The following MCM4 variants were observed in gnomAD, a reference collection of about 807,000 sequenced individuals.
The protein encoded by MCM4 is minichromosome maintenance complex component 4.
In MCM4, 60 loss-of-function variants were observed where a neutral mutation model predicts 88.7. The observed-to-expected ratio is 0.68, with a 90% CI of 0.55 to 0.84. The LOEUF (loss-of-function observed/expected upper bound fraction) is 0.84, where lower values mean the gene tolerates loss of function less well. MCM4 is among the 40% of genes least tolerant of loss of function. The probability of loss-of-function intolerance (pLI) is 0.00; values close to 1 mark genes in which losing one functional copy is unlikely to be tolerated. For missense variants in MCM4, 1,149 were observed against 1,105.5 expected, an observed-to-expected ratio of 1.04 and a Z score of -0.56; for synonymous variants, 465 against 410.5, an observed-to-expected ratio of 1.13 and a Z score of -1.61.
intron 15 of MCM4, 191 bp downstream of exon 15, chr8:47,975,153 A>T (rs1016812687): frequency 3.8e-6 from 2 of 522,984 alleles, no homozygotes; most frequent in Non-Finnish European, 3.4e-6. Context: ...ATTGATTAAC[A>T]CACACAGTTT....
chr8:47,965,836 CA>C (rs2090893408), intron 8 of MCM4, among the ~76,000 whole-genome samples: 1 of 152,144 alleles, frequency 6.6e-6, no homozygotes, highest in Non-Finnish European at 1.5e-5. Flanking sequence ...ATAGGGGACA[CA>C]AAATGTACAC....
In MCM4 at chr8:47,964,761, A is replaced by G. The variant is rs577078382; in HGVS notation, c.832+49A>G. The G allele has an allele frequency of 8.2e-6, 12 of 1,456,178 alleles. No individual in the cohort carries two copies. In the South Asian group the frequency reaches 9.4e-5, roughly 11 times the overall value. The allele number at this position is 1,456,178 out of a possible 1,614,324, so 90.2% of individuals were successfully genotyped here. A position where few individuals can be genotyped will look rare whatever the true frequency, so the allele number is the denominator to read the frequency against. On this transcript the variant is annotated intron_variant, in intron 8 of 16. Transcript: ENST00000649973. Reference sequence around the variant, plus strand: ...CTTTTGTTGAAGGAAAATGCCTTACATGAAAATAGCCTTGTTTTCATTGAG... The same window carrying G: ...CTTTTGTTGAAGGAAAATGCCTTACGTGAAAATAGCCTTGTTTTCATTGAG...
chr8:47,972,909 C>G lies in MCM4; in HGVS notation c.1981C>G (p.Arg661Gly). The G allele has an allele frequency of 1.9e-6, 3 of 1,614,176 alleles. No individual in the cohort carries two copies. Among genetic ancestry groups the G allele is most frequent in the Middle Eastern group, 3.3e-4 (2 of 6,062 alleles). The change falls in exon 14 of 17, where the codon CGT becomes GGT. Residue 661 changes from arginine (R) to glycine (G), a missense_variant. By Grantham distance (125) the Arg-to-Gly change is moderately radical (BLOSUM62 -2). Coordinates refer to ENST00000649973, the MANE Select transcript of MCM4 (RefSeq NM_182746.3). ...LDPQDEAYDR[R>G]LAHHLVALYY... ...CCCTCAGGACGAAGCCTATGACAGG[C>G]GTCTGGCTCACCACCTGGTCGCACT...
intron 10 of MCM4, 128 bp downstream of exon 10, chr8:47,967,613 CTG>C (rs1273953949): frequency 2.0e-5 from 25 of 1,222,908 alleles, no homozygotes; most frequent in Admixed American, 9.1e-5. Context: ...GTCTTTGAGA[CTG>C]TGGGGTATAT....
chr8:47,974,532 C>T (rs1296305724), intron 14 of MCM4: 7 of 568,988 alleles, frequency 1.2e-5, no homozygotes, highest in Non-Finnish European at 2.2e-5. Flanking sequence ...TCACCCACCA[C>T]TGCACGCTGC....
intron 7 of MCM4, 113 bp from the exon 8 acceptor site, chr8:47,964,461 A>G (rs1474072791): frequency 1.4e-6 from 1 of 720,498 alleles, no homozygotes; most frequent in Admixed American, 3.4e-5. Flanking sequence ...CTGTAGGGTA[A>G]TACTTTGGGG....
Position 47,970,847 on chromosome 8 carries a change from A to C in MCM4, c.1771A>C (p.Met591Leu). Reference sequence around the variant, plus strand: ...TACAAGATCGGTATTGCATGAAGTCATGGAACAGCAGACTCTGTCCATTGC... The same window carrying C: ...TACAAGATCGGTATTGCATGAAGTCCTGGAACAGCAGACTCTGTCCATTGC... ...ESTRSVLHEV[M>L]EQQTLSIAKA... The change falls in exon 12 of 17, where the codon ATG becomes CTG. Residue 591 changes from methionine (M) to leucine (L), a missense_variant. Coordinates refer to ENST00000649973, the MANE Select transcript of MCM4 (RefSeq NM_182746.3). 3.7e-6 allele frequency: 6 copies of C among 1,605,356 alleles called. No individual in the cohort carries two copies. Among genetic ancestry groups the C allele is most frequent in the Middle Eastern group, 3.3e-4 (2 of 6,046 alleles).
Position 47,974,877 on chromosome 8 carries a change from G to A in MCM4, c.2280G>A (p.Glu760=). Reference sequence around the variant, plus strand: ...AAGTTGAAGCCATTGATGTGGAAGAGGCCAAACGCCTCCATCGGGAAGCTC... The same window carrying A: ...AAGTTGAAGCCATTGATGTGGAAGAAGCCAAACGCCTCCATCGGGAAGCTC... ...SNKVEAIDVE[E]AKRLHREALK... is the part of the protein sequence containing the mutation. The change falls in exon 15 of 17, where the codon GAG becomes GAA. Residue 760 remains glutamate, a synonymous_variant. Coordinates refer to ENST00000649973, the MANE Select transcript of MCM4 (RefSeq NM_182746.3). 6.2e-7 allele frequency: 1 copy of A among 1,614,230 alleles called. No individual in the cohort carries two copies. Among genetic ancestry groups the A allele is most frequent in the Non-Finnish European group, 8.5e-7 (1 of 1,180,042 alleles).
intron 5 of MCM4, 147 bp downstream of exon 5, chr8:47,962,553 G>T (rs1310254023): frequency 6.0e-6 from 5 of 839,750 alleles, no homozygotes; most frequent in Non-Finnish European, 9.3e-6. Context: ...GGAGGCCAAG[G>T]TGGGAGGATC....
Position 47,970,832 on chromosome 8 carries a change from G to T in MCM4, c.1756G>T (p.Val586Leu), listed in dbSNP as rs753839100. The change falls in exon 12 of 17, where the codon GTA (valine) becomes TTA (leucine). Residue 586 changes from valine to leucine, a missense_variant. Around this residue, in one of 3 missense-constraint regions of MCM4, gnomAD observed 906 missense variants for 843.0 expected, o/e 1.07. Transcript: ENST00000649973. ...CAAGATGAATGAAAGTACAAGATCG[G>T]TATTGCATGAAGTCATGGAACAGCA... ...FDKMNESTRS[V>L]LHEVMEQQTL... 6.2e-7 allele frequency: 1 copy of T among 1,610,904 alleles called. No individual in the cohort carries two copies. Among genetic ancestry groups the T allele is most frequent in the Non-Finnish European group, 8.5e-7 (1 of 1,177,472 alleles).
intron 8 of MCM4, among the ~76,000 whole-genome samples, chr8:47,965,757 ACT>A (rs1394308552): frequency 6.6e-6 from 1 of 152,208 alleles, no homozygotes; most frequent in Admixed American, 6.5e-5. Context: ...AGGTGCTCTT[ACT>A]AGGCTTGAAG....
intron 3 of MCM4, 140 bp downstream of exon 3, chr8:47,961,820 A>G (rs1034448330): frequency 1.2e-5 from 14 of 1,193,558 alleles, no homozygotes; most frequent in Non-Finnish European, 1.6e-5. Flanking sequence ...TCTTAACCAG[A>G]GGAGCTGAAC....
chr8:47,975,201 T>G, intron 15 of MCM4: 1 of 408,726 alleles, frequency 2.4e-6, no homozygotes, highest in South Asian at 3.1e-5. Flanking sequence ...TTTTATACTT[T>G]AAGTTTTAGG....
In MCM4 at chr8:47,963,082, C is replaced by A. The variant is rs140141922; in HGVS notation, c.693+42C>A. 2.6e-5 allele frequency: 30 copies of A among 1,132,254 alleles called. No individual in the cohort carries two copies. In the African/African-American group the frequency reaches 3.4e-4, roughly 13 times the overall value. 70.1% of individuals were successfully genotyped at this position (1,132,254 alleles called of 1,614,324 possible). On this transcript the variant is annotated intron_variant, in intron 7 of 16. Transcript: ENST00000649973. ...GACCTTGATGAATTTTAGTAACAGT[C>A]TAGAAAGAATGTTTCCAGATAACAG...
intron 9 of MCM4, among the ~76,000 whole-genome samples, chr8:47,966,734 G>A (rs1423396049): frequency 6.6e-6 from 1 of 152,146 alleles, no homozygotes; most frequent in Non-Finnish European, 1.5e-5. Flanking sequence ...AAGGATTGAG[G>A]AATTTTTCTG....
rs754340619 is a variant in MCM4 at position 47,961,140 on chromosome 8, G to C, written c.-5G>C. The C allele has an allele frequency of 6.4e-7, 1 of 1,553,350 alleles. No homozygotes were observed. The highest frequency in any genetic ancestry group is 8.6e-7 in the Non-Finnish European group (1 of 1,159,648). ...TGTCCTTGTCGCGCAGGTACTCCGA[G>C]CACTATGTCGTCCCCGGCGTCGACC... On this transcript the variant is annotated 5_prime_UTR_variant, in exon 2 of 17. Transcript: ENST00000649973.
At position 47,975,790 on chromosome 8, in the gene MCM4, A is replaced by G. The variant is rs776401713; in HGVS notation, c.2441A>G (p.Lys814Arg). The change falls in exon 16 of 17, where the codon AAA becomes AGA. Residue 814 changes from lysine to arginine, a missense_variant. Physicochemically the swap from Lys to Arg is conservative, Grantham distance 26 (BLOSUM62 2). Coordinates refer to ENST00000649973, the MANE Select transcript of MCM4 (RefSeq NM_182746.3). ...ALKKLILSKG[K>R]TPALKYQQLF... The stretch of plus-strand genomic sequence containing the variant: ...AAAAAGCTTATTTTATCTAAGGGCA[A>G]AACACCAGCTCTAAAATACCAGCAA... 3 of 1,589,124 alleles carry G rather than the reference A, an allele frequency of 1.9e-6. No homozygotes were observed. Among genetic ancestry groups the G allele is most frequent in the Non-Finnish European group, 2.6e-6 (3 of 1,170,550 alleles).
At chr8:47,969,145 T>A (rs1169146709) in intron 10 of MCM4, 1 of 152,560 alleles carries the variant, frequency 6.6e-6, no homozygotes, top group African/African-American at 2.4e-5. Context: ...TAGCTACAGT[T>A]GCCCTGGAGC....
chr8:47,960,999 C>G lies in MCM4; in HGVS notation c.-30C>G. The G allele has an allele frequency of 1.2e-6, 1 of 818,052 alleles. No individual in the cohort carries two copies. Among genetic ancestry groups the G allele is most frequent in the Non-Finnish European group, 1.8e-6 (1 of 569,038 alleles). The allele number at this position is 818,052 out of a possible 1,614,324, so 50.7% of individuals were successfully genotyped here. A position where few individuals can be genotyped will look rare whatever the true frequency, so the allele number is the denominator to read the frequency against. On this transcript the variant is annotated 5_prime_UTR_variant, in exon 1 of 17. Coordinates refer to ENST00000649973, the MANE Select transcript of MCM4 (RefSeq NM_182746.3). ...GGAGTCCGCGAGCGTCGTCGGCAAG[C>G]GGCCGCCTTTCCACGGTAACCGCGC...
Sources: allele counts gnomAD v4.1 joint callset (sites outside exome capture counted in the v4.1 genomes callset), GRCh38; gene constraint gnomAD v4.1.1; regional missense constraint gnomAD v4.1.1; transcripts MANE v1.5; gene names NCBI Gene and HGNC (gene_info 2026-07-23, HGNC 2026-07-21).